Variants in ZFYVE1 observed in about 807,000 individuals in gnomAD.
ZFYVE1 encodes zinc finger FYVE-type containing 1, also known as zinc finger FYVE domain-containing protein 1.
In ZFYVE1, 30 loss-of-function variants were observed where a neutral mutation model predicts 74.4. The observed-to-expected ratio is 0.40, with a 90% CI of 0.30 to 0.55. The LOEUF is 0.55. Among genes scored for constraint, ZFYVE1 ranks in the 20% least tolerant of loss-of-function variants. The pLI, the probability that ZFYVE1 is intolerant of heterozygous loss-of-function variation, is 0.42. For missense variants in ZFYVE1, 703 were observed against 1,011.6 expected (o/e 0.69, Z 4.14); for synonymous variants, 335 against 385.1 (o/e 0.87, Z 1.52).
At chr14:73,012,224 AG>A (rs1894105678) in intron 2 of ZFYVE1, among the ~76,000 whole-genome samples, 1 of 152,132 alleles carries the variant, frequency 6.6e-6, no homozygotes, top group East Asian at 1.9e-4. Context: ...TCACAGATGT[AG>A]GTAACAGTTA....
chr14:73,026,164 C>G (rs1175374655), intron 1 of ZFYVE1, among the ~76,000 whole-genome samples: 1 of 146,564 alleles, frequency 6.8e-6, no homozygotes, highest in African/African-American at 2.5e-5. Flanking sequence ...CAACAGGAGA[C>G]AATTCCTCTA....
intron 5 of ZFYVE1, among the ~76,000 whole-genome samples, chr14:72,980,940 G>C (rs1212818588): frequency 6.6e-6 from 1 of 152,188 alleles, no homozygotes; most frequent in Non-Finnish European, 1.5e-5. Context: ...GGGGCACCCA[G>C]TGATCCTGCC....
chr14:72,985,952 C>T (rs1050612947), intron 4 of ZFYVE1, among the ~76,000 whole-genome samples: 2 of 152,022 alleles, frequency 1.3e-5, no homozygotes, highest in Non-Finnish European at 2.9e-5. Context: ...TTCTTTTAAA[C>T]AGGTAACTGA....
At position 72,975,410 on chromosome 14, in the gene ZFYVE1, C is replaced by CCTTTG; in HGVS notation, c.1806+140_1806+141insCAAAG. On this transcript the variant is annotated intron_variant, in intron 9 of 11. Transcript: ENST00000556143. The surrounding 1 kb of genome is among the most constrained non-coding windows in gnomAD (Gnocchi z 4.1). ...AAACTGGCTGCCTCAACGACTCCTC[C>CCTTTG]CCTTGCCGGTACTCACAGAGCTCAC... 9.3e-7 allele frequency: 1 copy of CCTTTG among 1,076,670 alleles called. No homozygotes were observed. The highest frequency in any genetic ancestry group is 1.7e-5 in the South Asian group (1 of 59,304). 66.7% of individuals were successfully genotyped at this position (1,076,670 alleles called of 1,614,324 possible).
chr14:72,972,262 C>T (rs577291628), intron 11 of ZFYVE1, among the ~76,000 whole-genome samples: 1 of 152,154 alleles, frequency 6.6e-6, no homozygotes, highest in East Asian at 1.9e-4. Context: ...TCATCTTTAA[C>T]AACCCACCTT....
At chr14:73,019,313 G>A (rs1894266089) in intron 2 of ZFYVE1, among the ~76,000 whole-genome samples, 1 of 152,106 alleles carries the variant, frequency 6.6e-6, no homozygotes, top group South Asian at 2.1e-4. Flanking sequence ...GGGCACAGTG[G>A]TGCATACCTG....
At chr14:73,026,336 CT>C (rs1315581537) in intron 1 of ZFYVE1, among the ~76,000 whole-genome samples, 8 of 152,164 alleles carry the variant, frequency 5.3e-5, no homozygotes, top group African/African-American at 1.9e-4. Flanking sequence ...CTAATTCCCC[CT>C]AGCCTTGACC....
At chr14:72,983,549 G>A (rs1893398372) in intron 4 of ZFYVE1, among the ~76,000 whole-genome samples, 1 of 151,918 alleles carries the variant, frequency 6.6e-6, no homozygotes, top group Non-Finnish European at 1.5e-5. Context: ...TTTTATGGCT[G>A]CATAGTATTC....
chr14:72,982,024 G>T, intron 4 of ZFYVE1, 129 bp from the exon 5 acceptor site: 1 of 716,864 alleles, frequency 1.4e-6, no homozygotes, highest in Non-Finnish European at 2.4e-6. Flanking sequence ...CATTACCCTT[G>T]ACCTTCCTGA....
In ZFYVE1 at chr14:72,969,544, G is replaced by A; in HGVS notation, c.*1338C>T. The A allele has an allele frequency of 1.6e-6, 1 of 610,280 alleles. No homozygotes were observed. The highest frequency in any genetic ancestry group is 2.9e-6 in the Non-Finnish European group (1 of 342,976). The allele number at this position is 610,280 out of a possible 1,614,324, so 37.8% of individuals were successfully genotyped here. On this transcript the variant is annotated 3_prime_UTR_variant, in exon 12 of 12. Transcript: ENST00000556143. The stretch of plus-strand genomic sequence containing the variant: ...GACCCCAGGAGGCAGGAGGAGCAGG[G>A]CTGAGAGGGACGACACACTCCAGGG...
chr14:72,977,401 G>T (rs185508065), intron 8 of ZFYVE1, among the ~76,000 whole-genome samples: 1 of 151,938 alleles, frequency 6.6e-6, no homozygotes, highest in African/African-American at 2.4e-5. Context: ...GGGAACAAGA[G>T]CGAAACTCCG....
intron 2 of ZFYVE1, among the ~76,000 whole-genome samples, chr14:73,020,305 T>G (rs114507867): frequency 0.017 from 2,573 of 150,114 alleles, 51 homozygotes; most frequent in East Asian, 0.047. Context: ...TAAGTATACA[T>G]GAAAAAATTC....
intron 2 of ZFYVE1, among the ~76,000 whole-genome samples, chr14:73,023,022 G>A (rs1894350064): frequency 6.6e-6 from 1 of 151,496 alleles, no homozygotes; most frequent in African/African-American, 2.4e-5. Flanking sequence ...ATTACCAGGC[G>A]TGATGGCACA....
chr14:73,001,489 G>C (rs1028207852), intron 2 of ZFYVE1, among the ~76,000 whole-genome samples: 1 of 151,770 alleles, frequency 6.6e-6, no homozygotes, highest in African/African-American at 2.4e-5. Context: ...TGAACACACC[G>C]GATCTCATCT....
intron 2 of ZFYVE1, among the ~76,000 whole-genome samples, chr14:73,013,408 G>A (rs1386242532): frequency 6.6e-6 from 1 of 152,066 alleles, no homozygotes; most frequent in African/African-American, 2.4e-5. Context: ...AAGAGTCCAA[G>A]ACCAGCCTGG....
At chr14:72,976,741 C>T (rs965400072) in intron 8 of ZFYVE1, among the ~76,000 whole-genome samples, 2 of 150,146 alleles carry the variant, frequency 1.3e-5, no homozygotes, top group African/African-American at 4.9e-5. Flanking sequence ...CGAGATCACA[C>T]CACTGCACTC....
Position 72,970,845 on chromosome 14 carries a change from C to G in ZFYVE1, c.*37G>C, listed in dbSNP as rs1285300788. 6.2e-7 allele frequency: 1 copy of G among 1,605,996 alleles called. No individual in the cohort carries two copies. Among genetic ancestry groups the G allele is most frequent in the South Asian group, 1.1e-5 (1 of 90,576 alleles). On this transcript the variant is annotated 3_prime_UTR_variant, in exon 12 of 12. Transcript: ENST00000556143. ...CAAGACTGTTTCTAACCCTGAGAAC[C>G]TAAGGAATTGTGAAGGACTCGGAGA...
chr14:72,971,302 C>T (rs1425914788), intron 11 of ZFYVE1, among the ~76,000 whole-genome samples, 188 bp from the exon 12 acceptor site: 3 of 152,150 alleles, frequency 2.0e-5, no homozygotes, highest in Admixed American at 1.3e-4. Context: ...TTGGGGCTGT[C>T]GCATAGGCAC....
chr14:72,977,499 T>C (rs919416035), intron 8 of ZFYVE1, among the ~76,000 whole-genome samples: 5 of 152,118 alleles, frequency 3.3e-5, no homozygotes, highest in African/African-American at 1.2e-4. Context: ...AAAAATGGCT[T>C]TCTTACACGA....
Sources: gnomAD v4.1 joint callset for allele counts (sites outside exome capture counted in the v4.1 genomes callset) on GRCh38, gnomAD v4.1.1 for gene constraint, Gnocchi (gnomAD v3.1) non-coding constraint, MANE v1.5 for transcripts, NCBI Gene and HGNC (gene_info 2026-07-23, HGNC 2026-07-21) for gene names.